ANKRD6: variants seen among roughly 807,000 people sequenced by gnomAD.
ANKRD6 encodes the protein ankyrin repeat domain-containing protein 6.
ANKRD6 carries 56 observed loss-of-function variants against 82.3 expected under a neutral mutation model. That is an observed-to-expected ratio of 0.68 (90% CI 0.55 to 0.85). The LOEUF is 0.85. ANKRD6 is among the 40% of genes least tolerant of loss of function. ANKRD6 has a pLI of 0.00. For synonymous variants in ANKRD6, 347 were observed against 352.1 expected (o/e 0.99, Z 0.16); for missense variants, 852 against 907.6 (o/e 0.94, Z 0.79).
At chr6:89,551,494 C>CA (rs1785843643) in intron 1 of ANKRD6, among the ~76,000 whole-genome samples, 2 of 152,170 alleles carry the variant, frequency 1.3e-5, no homozygotes, top group African/African-American at 4.8e-5. Flanking sequence ...CTGGAATGTC[C>CA]ACCCAGGAGA....
chr6:89,476,828 T>G (rs1482731989), intron 1 of ANKRD6, among the ~76,000 whole-genome samples: 1 of 152,272 alleles, frequency 6.6e-6, no homozygotes, highest in Non-Finnish European at 1.5e-5. Flanking sequence ...TTCTTAATAT[T>G]TTATTTTCTT....
At chr6:89,452,573 A>G (rs1338267336) in intron 1 of ANKRD6, among the ~76,000 whole-genome samples, 1 of 152,196 alleles carries the variant, frequency 6.6e-6, no homozygotes, top group Admixed American at 6.5e-5. Flanking sequence ...CTGTTTTACT[A>G]TTGTCTGCAA....
chr6:89,578,523 T>C (rs986390657), intron 2 of ANKRD6, among the ~76,000 whole-genome samples: 4 of 152,118 alleles, frequency 2.6e-5, no homozygotes, highest in Admixed American at 1.3e-4. Context: ...TTCAAACTCC[T>C]AGCCTGAAGT....
chr6:89,472,948 T>C (rs1177140408), intron 1 of ANKRD6, among the ~76,000 whole-genome samples: 2 of 152,192 alleles, frequency 1.3e-5, no homozygotes, highest in Admixed American at 6.5e-5. Context: ...TTTTATTTAA[T>C]AGAGTTTCTT....
Position 89,442,143 on chromosome 6 carries a change from G to A in ANKRD6, c.-144+8768G>A, listed in dbSNP as rs547518797. ...CCTAAGTAGCTGGGATTACACGCAT[G>A]CGCTCCCACACCCAGTTAATTTTTG... On this transcript the variant is annotated intron_variant, in intron 1 of 15. Transcript: ENST00000339746. Among the ~76,000 whole-genome samples, 123 of 152,130 alleles carry A rather than the reference G, an allele frequency of 8.1e-4. 1 individual carries two copies. Among genetic ancestry groups the A allele is most frequent in the South Asian group, 2.7e-3 (13 of 4,810 alleles).
rs574560223 is a variant in ANKRD6, at chr6:89,526,568, T to A, written c.-143-40266T>A. Among the ~76,000 whole-genome samples the A allele has an allele frequency of 3.3e-5, 5 of 152,340 alleles. 1 individual carries two copies. In the East Asian group the frequency reaches 9.6e-4, roughly 29 times the overall value. Reference sequence around the variant, plus strand: ...ATCTGCAAGAAACATATGCCCTGTTTACCATTTCCTGATGGGTATGGGGTG... The same window carrying A: ...ATCTGCAAGAAACATATGCCCTGTTAACCATTTCCTGATGGGTATGGGGTG... On this transcript the variant is annotated intron_variant, in intron 1 of 15. Coordinates refer to ENST00000339746, the MANE Select transcript of ANKRD6 (RefSeq NM_001242809.2).
At chr6:89,481,771 G>A (rs953377447) in intron 1 of ANKRD6, among the ~76,000 whole-genome samples, 1 of 152,078 alleles carries the variant, frequency 6.6e-6, no homozygotes, top group Admixed American at 6.6e-5. Context: ...ACTGCTGCTG[G>A]TGGTGGTACT....
At chr6:89,507,830 C>T (rs1780057488) in intron 1 of ANKRD6, among the ~76,000 whole-genome samples, 1 of 152,200 alleles carries the variant, frequency 6.6e-6, no homozygotes, top group Admixed American at 6.5e-5. Context: ...AAGATAGCTG[C>T]TTCCAAAACA....
At chr6:89,545,269 C>A (rs73752770) in intron 1 of ANKRD6, among the ~76,000 whole-genome samples, 1 of 150,976 alleles carries the variant, frequency 6.6e-6, no homozygotes, top group East Asian at 1.9e-4. Context: ...CCAGAAAGTT[C>A]GGGGGAATTT....
intron 1 of ANKRD6, among the ~76,000 whole-genome samples, chr6:89,534,631 A>G (rs1783604611): frequency 1.3e-5 from 2 of 152,212 alleles, no homozygotes; most frequent in African/African-American, 4.8e-5. Flanking sequence ...TTCATGCAAC[A>G]AATATTTATA....
intron 3 of ANKRD6, among the ~76,000 whole-genome samples, chr6:89,600,627 GTCTT>G (rs1283065616): frequency 6.6e-6 from 1 of 152,136 alleles, no homozygotes; most frequent in African/African-American, 2.4e-5. Context: ...GAAGGGCACT[GTCTT>G]TCTTAGCAGG....
chr6:89,445,736 G>A (rs760373121), intron 1 of ANKRD6, among the ~76,000 whole-genome samples: 6 of 151,752 alleles, frequency 4.0e-5, no homozygotes, highest in Non-Finnish European at 7.4e-5. Flanking sequence ...AAGCCACTGC[G>A]CCTGGCTCAA....
intron 1 of ANKRD6, among the ~76,000 whole-genome samples, chr6:89,505,991 G>A (rs1779797485): frequency 6.6e-6 from 1 of 152,174 alleles, no homozygotes; most frequent in Non-Finnish European, 1.5e-5. Context: ...CCACTTATAT[G>A]TGGAATCTTA....
chr6:89,624,038 AG>A lies in ANKRD6; in HGVS notation c.1201del (p.Asp401MetfsTer4). The A allele has an allele frequency of 1.9e-6, 3 of 1,610,274 alleles. No individual in the cohort carries two copies. The highest frequency in any genetic ancestry group is 2.5e-6 in the Non-Finnish European group (3 of 1,178,294). On this transcript the variant is annotated frameshift_variant, in exon 12 of 16. Coordinates refer to ENST00000339746, the MANE Select transcript of ANKRD6 (RefSeq NM_001242809.2). LOFTEE classifies it high-confidence loss of function. ...AYQLYTLYRG[K>X]DGKVMQAPIN... is the part of the protein sequence containing the mutation. ...CAGCTCTACACATTGTACCGGGGCA[AG>A]GATGGGAAAGTGATGCAGGTACCTG...
intron 1 of ANKRD6, among the ~76,000 whole-genome samples, chr6:89,557,718 A>G (rs1244492951): frequency 1.3e-5 from 2 of 152,246 alleles, no homozygotes; most frequent in African/African-American, 2.4e-5. Context: ...GTGAAACTTC[A>G]TCTGTATTTA....
At chr6:89,629,676 C>T (rs1020893096) in intron 15 of ANKRD6, among the ~76,000 whole-genome samples, 1 of 152,226 alleles carries the variant, frequency 6.6e-6, no homozygotes. Context: ...GCAGTTCTTA[C>T]ATAGAACTTG....
intron 1 of ANKRD6, among the ~76,000 whole-genome samples, chr6:89,514,391 T>A (rs561275737): frequency 1.3e-5 from 2 of 152,062 alleles, no homozygotes; most frequent in African/African-American, 4.8e-5. Context: ...AAAAAAAATT[T>A]TTTTGGAGTT....
intron 5 of ANKRD6, among the ~76,000 whole-genome samples, chr6:89,607,092 C>T (rs1583693898): frequency 6.6e-6 from 1 of 151,898 alleles, no homozygotes; most frequent in East Asian, 1.9e-4. Flanking sequence ...ATCGCTTGAA[C>T]CTGGTAGGCG....
chr6:89,461,157 G>A (rs567867158), intron 1 of ANKRD6, among the ~76,000 whole-genome samples: 5 of 152,080 alleles, frequency 3.3e-5, no homozygotes, highest in Admixed American at 2.0e-4. Flanking sequence ...CAAGTGAACC[G>A]TCAGTCTCTG....
Sources: gnomAD v4.1 joint callset for allele counts (sites outside exome capture counted in the v4.1 genomes callset) on GRCh38, gnomAD v4.1.1 for gene constraint, MANE v1.5 for transcripts, NCBI Gene and HGNC (gene_info 2026-07-23, HGNC 2026-07-21) for gene names.